Variants in PLCH1 observed in about 807,000 individuals in gnomAD.
PLCH1 encodes the protein 1-phosphatidylinositol 4,5-bisphosphate phosphodiesterase eta-1.
Under a neutral mutation model 126.7 loss-of-function variants are expected in PLCH1, and 60 were observed. The ratio of observed to expected loss-of-function variants is 0.47; its 90% CI spans 0.38 to 0.59. The LOEUF (loss-of-function observed/expected upper bound fraction) is 0.59. PLCH1 is among the 20% of genes least tolerant of loss of function. PLCH1 has a pLI of 0.00. For missense variants in PLCH1, 1,723 were observed against 2,040.0 expected, an observed-to-expected ratio of 0.84 and a Z score of 2.99; for synonymous variants, 719 against 734.9, an observed-to-expected ratio of 0.98 and a Z score of 0.35.
chr3:155,651,318 T>C (rs1276596348), intron 2 of PLCH1, among the ~76,000 whole-genome samples: 1 of 152,210 alleles, frequency 6.6e-6, no homozygotes, highest in Non-Finnish European at 1.5e-5. Flanking sequence ...TCAGAACTAA[T>C]TACTTAAATC....
chr3:155,665,699 G>A (rs949166845), intron 2 of PLCH1, among the ~76,000 whole-genome samples: 2 of 152,060 alleles, frequency 1.3e-5, no homozygotes, highest in Non-Finnish European at 2.9e-5. Flanking sequence ...GCTGTGAGCC[G>A]GCAAAATATT....
intron 10 of PLCH1, among the ~76,000 whole-genome samples, chr3:155,541,997 C>T (rs1156574097): frequency 3.9e-5 from 6 of 152,162 alleles, no homozygotes; most frequent in Admixed American, 6.5e-5. Context: ...TCTGAGGTAC[C>T]GGGTTCATCT....
At chr3:155,584,557 G>A (rs1731117256) in intron 5 of PLCH1, among the ~76,000 whole-genome samples, 3 of 152,096 alleles carry the variant, frequency 2.0e-5, no homozygotes, top group African/African-American at 7.2e-5. Flanking sequence ...AAACTATTGG[G>A]GATAAATAAT....
At chr3:155,640,757 T>C (rs551014161) in intron 2 of PLCH1, among the ~76,000 whole-genome samples, 31 of 152,280 alleles carry the variant, frequency 2.0e-4, no homozygotes, top group Admixed American at 2.0e-3. Context: ...GATTATATAA[T>C]ATATATTAGG....
At chr3:155,500,560 C>T in intron 14 of PLCH1, 143 bp downstream of exon 14, 2 of 600,494 alleles carry the variant, frequency 3.3e-6, no homozygotes, top group Non-Finnish European at 6.0e-6. Context: ...CATTTCATAT[C>T]CAGCTGTTCT....
chr3:155,539,223 C>T (rs1723879912), intron 10 of PLCH1, among the ~76,000 whole-genome samples: 1 of 152,080 alleles, frequency 6.6e-6, no homozygotes, highest in Non-Finnish European at 1.5e-5. Flanking sequence ...GATTAAAACC[C>T]TCAGCAAAAT....
At chr3:155,456,335 T>A (rs1189292028) in intron 21 of PLCH1, among the ~76,000 whole-genome samples, 5 of 136,064 alleles carry the variant, frequency 3.7e-5, no homozygotes, top group African/African-American at 8.1e-5. Flanking sequence ...GCTAATGAGC[T>A]AAAAAAAAAA....
In PLCH1 at chr3:155,544,085, G is replaced by C. The variant is rs933542163; in HGVS notation, c.1362+5702C>G. 2.9e-3 allele frequency among the ~76,000 whole-genome samples: 441 copies of C among 151,288 alleles called. 1 individual carries two copies. Among genetic ancestry groups the C allele is most frequent in the South Asian group, 0.019 (90 of 4,786 alleles). ...CTAAATGCTCCAATTAAAAGACACA[G>C]ACTGGCAAATTGGATAAACAGTCAA... is the stretch of plus-strand genomic sequence containing the variant. On this transcript the variant is annotated intron_variant, in intron 10 of 22. Coordinates refer to ENST00000460012, the MANE Select transcript of PLCH1 (RefSeq NM_014996.4).
rs113402344 is a variant in PLCH1, at chr3:155,525,429, G to T, written c.1363-1425C>A. ...CAGGCCCTCACCAGACGCCAAATCT[G>T]CCATCACCTTAATCTTGGACTTCCC... On this transcript the variant is annotated intron_variant, in intron 10 of 22. Coordinates refer to ENST00000460012, the MANE Select transcript of PLCH1 (RefSeq NM_014996.4). Among the ~76,000 whole-genome samples the T allele has an allele frequency of 3.9e-4, 60 of 152,148 alleles. 1 individual carries two copies. The highest frequency in any genetic ancestry group is 1.4e-3 in the African/African-American group (57 of 41,432).
intron 15 of PLCH1, among the ~76,000 whole-genome samples, chr3:155,496,959 C>A (rs1576828127): frequency 6.6e-6 from 1 of 152,166 alleles, no homozygotes; most frequent in Admixed American, 6.5e-5. Context: ...TTCTTTTGGT[C>A]ATTCGCATTT....
intron 10 of PLCH1, among the ~76,000 whole-genome samples, chr3:155,549,429 A>G (rs1725811785): frequency 6.6e-6 from 1 of 152,176 alleles, no homozygotes; most frequent in Admixed American, 6.5e-5. Context: ...AAAGTCTGAA[A>G]GAACTGCTTT....
intron 1 of PLCH1, among the ~76,000 whole-genome samples, chr3:155,730,991 C>A (rs1400589593): frequency 1.3e-5 from 2 of 152,196 alleles, no homozygotes; most frequent in South Asian, 4.1e-4. Flanking sequence ...ATGGACTGAG[C>A]CTCCAGGCCT....
chr3:155,608,654 A>G (rs1734672761), intron 2 of PLCH1, among the ~76,000 whole-genome samples: 1 of 152,044 alleles, frequency 6.6e-6, no homozygotes. Flanking sequence ...TTACTCTTGG[A>G]ACATAATTCC....
Position 155,566,164 on chromosome 3 carries a change from C to CATATATACACATATATACACAT in PLCH1, c.866-1068_866-1047dup. Among the ~76,000 whole-genome samples the CATATATACACATATATACACAT allele has an allele frequency of 5.4e-5, 2 of 36,940 alleles. 1 individual carries two copies. Among genetic ancestry groups the CATATATACACATATATACACAT allele is most frequent in the South Asian group, 1.1e-3 (2 of 1,896 alleles). 24.2% of individuals were successfully genotyped at this position (36,940 alleles called of 152,430 possible). ...ATGTATATATACATATATACACATA[C>CATATATACACATATATACACAT]ATATATACACATATATACACATATA... On this transcript the variant is annotated intron_variant, in intron 7 of 22. Coordinates refer to ENST00000460012, the MANE Select transcript of PLCH1 (RefSeq NM_014996.4).
intron 21 of PLCH1, among the ~76,000 whole-genome samples, chr3:155,459,511 T>C (rs945115414): frequency 3.9e-5 from 6 of 152,184 alleles, no homozygotes; most frequent in Admixed American, 3.9e-4. Context: ...GTAAATTAAA[T>C]TGAGTGAAAA....
chr3:155,679,542 C>T (rs1360368520), intron 2 of PLCH1, among the ~76,000 whole-genome samples: 1 of 152,158 alleles, frequency 6.6e-6, no homozygotes, highest in Non-Finnish European at 1.5e-5. Flanking sequence ...AACCAAGTCT[C>T]AATGTTTAAA....
chr3:155,511,638 G>C (rs1195955952), intron 12 of PLCH1, among the ~76,000 whole-genome samples: 1 of 140,308 alleles, frequency 7.1e-6, no homozygotes, highest in Non-Finnish European at 1.5e-5. Flanking sequence ...GCCCCTGCTG[G>C]GGGGTGCCTC....
intron 11 of PLCH1, among the ~76,000 whole-genome samples, chr3:155,523,028 T>G (rs1006555743): frequency 1.4e-4 from 22 of 151,886 alleles, no homozygotes; most frequent in Non-Finnish European, 1.5e-4. Context: ...AGGCTGGAGT[T>G]CAGTGGCGCG....
chr3:155,597,934 A>G (rs979382964), intron 2 of PLCH1, among the ~76,000 whole-genome samples: 1 of 152,186 alleles, frequency 6.6e-6, no homozygotes, highest in African/African-American at 2.4e-5. Context: ...CTGTAATCCC[A>G]GCACTTTGGG....
Sources: gnomAD v4.1 joint callset for allele counts (sites outside exome capture counted in the v4.1 genomes callset) on GRCh38, gnomAD v4.1.1 for gene constraint, MANE v1.5 for transcripts, NCBI Gene and HGNC (gene_info 2026-07-23, HGNC 2026-07-21) for gene names.